Variants in SUCLG2 observed in about 807,000 individuals in gnomAD.
The protein encoded by SUCLG2 is succinate-CoA ligase GDP-forming subunit beta.
Under a neutral mutation model 47.9 loss-of-function variants are expected in SUCLG2, and 42 were observed. That is an observed-to-expected ratio of 0.88 (90% CI 0.69 to 1.14). SUCLG2 has a LOEUF of 1.14. SUCLG2 is among the 50% of genes most tolerant of loss of function. SUCLG2 has a pLI of 0.00. For missense variants in SUCLG2, 571 were observed against 525.9 expected (o/e 1.09, Z -0.84); for synonymous variants, 195 against 197.3 (o/e 0.99, Z 0.10).
intron 7 of SUCLG2, among the ~76,000 whole-genome samples, chr3:67,501,579 G>C (rs895948348): frequency 2.0e-5 from 3 of 152,022 alleles, no homozygotes; most frequent in African/African-American, 7.3e-5. Flanking sequence ...AGAGTCTTTT[G>C]TTCTATTAAG....
intron 2 of SUCLG2, among the ~76,000 whole-genome samples, chr3:67,561,566 C>A (rs1707309298): frequency 1.3e-5 from 2 of 152,104 alleles, no homozygotes; most frequent in African/African-American, 4.8e-5. Context: ...TTAAGTGTAT[C>A]TTCATATTCC....
At chr3:67,621,137 T>C (rs1320148738) in intron 1 of SUCLG2, among the ~76,000 whole-genome samples, 1 of 152,214 alleles carries the variant, frequency 6.6e-6, no homozygotes, top group Non-Finnish European at 1.5e-5. Context: ...TAGCCATCAA[T>C]CATAAATAAA....
At chr3:67,409,864 T>A (rs375686787) in intron 9 of SUCLG2, among the ~76,000 whole-genome samples, 1 of 152,214 alleles carries the variant, frequency 6.6e-6, no homozygotes, top group South Asian at 2.1e-4. Flanking sequence ...TAAAAACTAA[T>A]GTGAATACTG....
intron 9 of SUCLG2, among the ~76,000 whole-genome samples, chr3:67,402,185 C>G (rs755951790): frequency 6.6e-6 from 1 of 152,154 alleles, no homozygotes; most frequent in Non-Finnish European, 1.5e-5. Flanking sequence ...AAAAAGAGGA[C>G]CTAGCCCACA....
chr3:67,554,401 C>A (rs764000663), intron 2 of SUCLG2, among the ~76,000 whole-genome samples: 2 of 152,130 alleles, frequency 1.3e-5, no homozygotes, highest in South Asian at 2.1e-4. Context: ...CAATAGAATT[C>A]TTTACACTCA....
At chr3:67,605,018 C>T (rs1700377425) in intron 2 of SUCLG2, among the ~76,000 whole-genome samples, 2 of 152,112 alleles carry the variant, frequency 1.3e-5, no homozygotes, top group African/African-American at 2.4e-5. Context: ...GAGTTAGAAT[C>T]ACAACAGTAG....
At chr3:67,388,553 G>A (rs1702308176) in intron 10 of SUCLG2, among the ~76,000 whole-genome samples, 1 of 152,208 alleles carries the variant, frequency 6.6e-6, no homozygotes, top group South Asian at 2.1e-4. Flanking sequence ...GGAAGATGAA[G>A]CATTCTGTTA....
At chr3:67,517,479 C>T (rs531780907) in intron 6 of SUCLG2, among the ~76,000 whole-genome samples, 1 of 152,034 alleles carries the variant, frequency 6.6e-6, no homozygotes, top group Non-Finnish European at 1.5e-5. Context: ...CTCTGAGTAA[C>T]AGAGGAAGGA....
intron 9 of SUCLG2, among the ~76,000 whole-genome samples, chr3:67,410,746 T>TA (rs1044780232): frequency 2.0e-5 from 3 of 152,200 alleles, no homozygotes; most frequent in South Asian, 2.1e-4. Context: ...TCAAAAGGCT[T>TA]AAAAAAAGAG....
At chr3:67,430,047 G>A (rs1194021695) in intron 9 of SUCLG2, among the ~76,000 whole-genome samples, 1 of 151,864 alleles carries the variant, frequency 6.6e-6, no homozygotes, top group Non-Finnish European at 1.5e-5. Flanking sequence ...TCAACGAGAG[G>A]GAAAGTTAAC....
intron 9 of SUCLG2, among the ~76,000 whole-genome samples, chr3:67,418,756 C>T (rs1703088813): frequency 6.6e-6 from 1 of 152,174 alleles, no homozygotes; most frequent in African/African-American, 2.4e-5. Context: ...GAGCCCATAC[C>T]ATCCTGGTTA....
At chr3:67,470,999 G>C (rs914815804) in intron 9 of SUCLG2, among the ~76,000 whole-genome samples, 67 of 152,170 alleles carry the variant, frequency 4.4e-4, no homozygotes, top group African/African-American at 1.5e-3. Context: ...GATGGGTTAC[G>C]CAAAAAGGGA....
At chr3:67,478,092 A>G (rs1028213045) in intron 9 of SUCLG2, among the ~76,000 whole-genome samples, 8 of 152,180 alleles carry the variant, frequency 5.3e-5, no homozygotes, top group African/African-American at 1.2e-4. Context: ...AGCCACCAGG[A>G]TTCAAACTTA....
chr3:67,385,474 G>T (rs370653751), intron 10 of SUCLG2, among the ~76,000 whole-genome samples: 16 of 152,356 alleles, frequency 1.1e-4, no homozygotes, highest in East Asian at 5.8e-4. Context: ...CCATCCGGGA[G>T]TGGTGATGGT....
chr3:67,488,058 T>A (rs1212269685), intron 9 of SUCLG2, among the ~76,000 whole-genome samples: 7 of 151,976 alleles, frequency 4.6e-5, no homozygotes, highest in Non-Finnish European at 1.5e-5. Context: ...GCAGACTATA[T>A]AATATTGTCA....
intron 2 of SUCLG2, among the ~76,000 whole-genome samples, chr3:67,601,896 C>T (rs1210482019): frequency 4.6e-5 from 7 of 152,008 alleles, no homozygotes; most frequent in African/African-American, 1.5e-4. Flanking sequence ...TCATGAGAAC[C>T]GCCTGAACCT....
intron 9 of SUCLG2, among the ~76,000 whole-genome samples, chr3:67,471,080 C>T (rs1704593547): frequency 6.6e-6 from 1 of 152,182 alleles, no homozygotes; most frequent in Non-Finnish European, 1.5e-5. Context: ...ATTGCTAACA[C>T]TGTTGGGATC....
chr3:67,500,876 T>C (rs1381450143), intron 7 of SUCLG2, among the ~76,000 whole-genome samples: 1 of 152,202 alleles, frequency 6.6e-6, no homozygotes, highest in Non-Finnish European at 1.5e-5. Context: ...TGACCTTTGC[T>C]CCTTACAAAG....
At chr3:67,622,333 T>C (rs1194559377) in intron 1 of SUCLG2, among the ~76,000 whole-genome samples, 2 of 152,196 alleles carry the variant, frequency 1.3e-5, no homozygotes, top group African/African-American at 2.4e-5. Flanking sequence ...CTTAGGAAGA[T>C]ACATACATAG....
Sources: allele counts gnomAD v4.1 joint callset (sites outside exome capture counted in the v4.1 genomes callset), GRCh38; gene constraint gnomAD v4.1.1; transcripts MANE v1.5; gene names NCBI Gene and HGNC (gene_info 2026-07-23, HGNC 2026-07-21).